The following CDH17 variants were observed in gnomAD, a reference collection of about 807,000 sequenced individuals.
CDH17 encodes the protein cadherin 17.
Under a neutral mutation model 86.3 loss-of-function variants are expected in CDH17, and 67 were observed. The observed-to-expected ratio is 0.78, with a 90% CI of 0.64 to 0.95. The LOEUF is 0.95. Ranked by LOEUF, CDH17 falls within the 40% of genes least tolerant of loss-of-function variation. CDH17 has a pLI of 0.00. For synonymous variants in CDH17, 367 were observed against 366.4 expected (o/e 1.00, Z -0.02); for missense variants, 993 against 1,017.6 (o/e 0.98, Z 0.33).
chr8:94,195,320 T>C (rs1230810568), intron 1 of CDH17, among the ~76,000 whole-genome samples: 2 of 152,142 alleles, frequency 1.3e-5, no homozygotes, highest in Non-Finnish European at 2.9e-5. Context: ...ACTCCTATTA[T>C]ACAGATGGAG....
At chr8:94,140,251 C>CATCTCTACAAAAAATTTAA (rs1812611771) in intron 15 of CDH17, among the ~76,000 whole-genome samples, 3 of 152,016 alleles carry the variant, frequency 2.0e-5, no homozygotes, top group Admixed American at 2.0e-4. Context: ...GTGTGACCCC[C>CATCTCTACAAAAAATTTAA]ATCTCTACAA....
chr8:94,128,432 T>C (rs910610061), intron 17 of CDH17, 92 bp from the exon 18 acceptor site: 3 of 772,844 alleles, frequency 3.9e-6, no homozygotes, highest in African/African-American at 1.8e-5. Flanking sequence ...AGGAAAAAAA[T>C]GACTCAACTT....
At chr8:94,128,408 A>G (rs1812343559) in intron 17 of CDH17, 68 bp from the exon 18 acceptor site, 1 of 990,404 alleles carries the variant, frequency 1.0e-6, no homozygotes, top group African/African-American at 1.6e-5. Flanking sequence ...TCAGTTATAA[A>G]GTAGTATTGT....
chr8:94,176,029 C>G (rs1184608375), intron 5 of CDH17, among the ~76,000 whole-genome samples: 1 of 152,052 alleles, frequency 6.6e-6, no homozygotes, highest in Non-Finnish European at 1.5e-5. Flanking sequence ...GCTAGGACTA[C>G]AGGCATGCAC....
chr8:94,172,685 CCCA>C (rs1813292248), intron 7 of CDH17, among the ~76,000 whole-genome samples: 1 of 152,166 alleles, frequency 6.6e-6, no homozygotes, highest in South Asian at 2.1e-4. Context: ...CCAGGGATCT[CCCA>C]CTAACCCACA....
intron 1 of CDH17, chr8:94,202,968 CT>C: frequency 3.2e-6 from 1 of 315,408 alleles, no homozygotes; most frequent in South Asian, 2.8e-5. Context: ...TGAGGTTCCC[CT>C]TTTCACCTTG....
intron 3 of CDH17, among the ~76,000 whole-genome samples, chr8:94,184,875 A>G (rs771999177): frequency 6.6e-6 from 1 of 152,088 alleles, no homozygotes; most frequent in Non-Finnish European, 1.5e-5. Context: ...ATTTTTGAGG[A>G]CATATTAAAA....
intron 13 of CDH17, among the ~76,000 whole-genome samples, 164 bp from the exon 14 acceptor site, chr8:94,149,038 T>A (rs535284683): frequency 1.2e-4 from 17 of 138,142 alleles, no homozygotes; most frequent in African/African-American, 4.2e-4. Context: ...ACTTGTATAT[T>A]ATTTAAAACA....
At chr8:94,158,447 T>G (rs2446869) in intron 12 of CDH17, among the ~76,000 whole-genome samples, 53,631 of 151,870 alleles carry the variant, frequency 0.35, 9,569 homozygotes, top group Middle Eastern at 0.41. Flanking sequence ...TTCAAAAAAA[T>G]ATGACATACG....
At chr8:94,210,720 T>C (rs1814109666), upstream of CDH17, among the ~76,000 whole-genome samples, 1 of 152,128 alleles carries the variant, frequency 6.6e-6, no homozygotes, top group Non-Finnish European at 1.5e-5. Flanking sequence ...GTATGATTTA[T>C]AGGATGAAAA....
chr8:94,173,962 G>A lies in CDH17; in HGVS notation c.618C>T (p.Ser206=). The A allele has an allele frequency of 6.2e-7, 1 of 1,613,862 alleles. No homozygotes were observed. Among genetic ancestry groups the A allele is most frequent in the South Asian group, 1.1e-5 (1 of 91,078 alleles). ...SQELNPAKNP[S]YNLVISVKDM... The stretch of plus-strand genomic sequence containing the variant: ...CCTTCACTGAGATCACCAGATTATA[G>A]GAAGGATTCTTAGCAGGATTCAATT... The change falls in exon 7 of 18, where the codon TCC becomes TCT. Residue 206 remains serine, a synonymous_variant. Coordinates refer to ENST00000027335, the MANE Select transcript of CDH17 (RefSeq NM_004063.4).
At chr8:94,213,263 T>A (rs981880004), upstream of CDH17, among the ~76,000 whole-genome samples, 1 of 152,226 alleles carries the variant, frequency 6.6e-6, no homozygotes, top group Non-Finnish European at 1.5e-5. Flanking sequence ...TGAGCCACCA[T>A]GCCTGGCTGG....
At chr8:94,159,876 C>G in intron 12 of CDH17, 95 bp downstream of exon 12, 2 of 876,446 alleles carry the variant, frequency 2.3e-6, no homozygotes, top group Non-Finnish European at 3.4e-6. Context: ...GAGATGGCTG[C>G]TAATACATCA....
At chr8:94,198,148 T>C (rs1813824062) in intron 1 of CDH17, among the ~76,000 whole-genome samples, 1 of 152,176 alleles carries the variant, frequency 6.6e-6, no homozygotes, top group Non-Finnish European at 1.5e-5. Flanking sequence ...ATCATGTATG[T>C]ATGTATATAT....
At chr8:94,179,879 C>T (rs1169758660) in intron 3 of CDH17, among the ~76,000 whole-genome samples, 2 of 152,114 alleles carry the variant, frequency 1.3e-5, no homozygotes, top group Non-Finnish European at 2.9e-5. Flanking sequence ...TCTAGAGTTG[C>T]CACATCACAT....
chr8:94,168,535 G>A (rs771681895), intron 9 of CDH17, among the ~76,000 whole-genome samples: 1 of 151,972 alleles, frequency 6.6e-6, no homozygotes, highest in Non-Finnish European at 1.5e-5. Flanking sequence ...CACAAGGCAG[G>A]AGCATTGTCT....
At chr8:94,209,994 C>T (rs987334689), upstream of CDH17, among the ~76,000 whole-genome samples, 5 of 151,436 alleles carry the variant, frequency 3.3e-5, no homozygotes, top group East Asian at 1.9e-4. Flanking sequence ...TAACAATGAT[C>T]GTGACATGTT....
intron 7 of CDH17, among the ~76,000 whole-genome samples, chr8:94,173,058 A>C (rs148980472): frequency 1.5e-4 from 23 of 152,320 alleles, no homozygotes; most frequent in African/African-American, 5.0e-4. Flanking sequence ...GTCCATACAT[A>C]GTGCACCATA....
chr8:94,130,807 G>C (rs1812397887), intron 16 of CDH17, 68 bp from the exon 17 acceptor site: 4 of 1,506,402 alleles, frequency 2.7e-6, no homozygotes, highest in African/African-American at 2.7e-5. Context: ...CCATATCAAA[G>C]ACAAGAATCT....
Sources: allele counts gnomAD v4.1 joint callset (sites outside exome capture counted in the v4.1 genomes callset), GRCh38; gene constraint gnomAD v4.1.1; transcripts MANE v1.5; gene names NCBI Gene and HGNC (gene_info 2026-07-23, HGNC 2026-07-21).